The following KANSL1L variants were observed in gnomAD, a reference collection of about 807,000 sequenced individuals.
KANSL1L encodes KAT8 regulatory NSL complex subunit 1-like protein.
KANSL1L carries 25 observed loss-of-function variants against 108.6 expected under a neutral mutation model. That is an observed-to-expected ratio of 0.23 (90% CI 0.17 to 0.32). The LOEUF is 0.32. KANSL1L is among the 10% of genes least tolerant of loss of function. The pLI is 1.00. For synonymous variants in KANSL1L, 405 were observed against 395.1 expected (o/e 1.03, Z -0.30); for missense variants, 1,137 against 1,125.7 (o/e 1.01, Z -0.14).
At chr2:210,094,346 G>A (rs186873549) in intron 5 of KANSL1L, among the ~76,000 whole-genome samples, 361 of 152,144 alleles carry the variant, frequency 2.4e-3, no homozygotes, top group African/African-American at 8.2e-3. Context: ...TTCAGAAAGT[G>A]CTTTGTGGTT....
At chr2:210,024,323 G>T (rs181370733) in intron 13 of KANSL1L, 122 bp from the exon 14 acceptor site, 1 of 634,116 alleles carries the variant, frequency 1.6e-6, no homozygotes. Context: ...TTTGCCCAAA[G>T]ATTTTTAAAA....
In KANSL1L at chr2:210,098,139, G is replaced by A. The variant is rs2094756466; in HGVS notation, c.1497C>T (p.Pro499=). 1.2e-6 allele frequency: 2 copies of A among 1,611,692 alleles called. No homozygotes were observed. The highest frequency in any genetic ancestry group is 1.7e-6 in the Non-Finnish European group (2 of 1,178,726). Residue 499 remains proline (P), a synonymous_variant, in exon 5 of 15, where the codon CCC becomes CCT. Coordinates refer to ENST00000281772, the MANE Select transcript of KANSL1L (RefSeq NM_152519.4). ...APLNLSPTSS[P]LSSKSCSHKC... is the part of the protein sequence containing the mutation. ...TATGGCTACAGGATTTGGAAGAGAG[G>A]GGTGATGAAGTTGGGGACAAGTTGA...
chr2:210,143,669 G>A (rs973394911), intron 2 of KANSL1L, among the ~76,000 whole-genome samples: 2 of 151,924 alleles, frequency 1.3e-5, no homozygotes, highest in Non-Finnish European at 2.9e-5. Context: ...GCTTAAGAAA[G>A]AACAATTCAT....
chr2:210,077,620 T>G (rs1042778472), intron 5 of KANSL1L, among the ~76,000 whole-genome samples: 2 of 152,012 alleles, frequency 1.3e-5, no homozygotes, highest in Non-Finnish European at 1.5e-5. Context: ...CCAAAAGAGG[T>G]TCTTTGTCCA....
At chr2:210,043,415 C>CT (rs1246139822) in intron 7 of KANSL1L, 1 of 158,596 alleles carries the variant, frequency 6.3e-6, no homozygotes, top group Non-Finnish European at 1.3e-5. Flanking sequence ...AAACAAAACA[C>CT]TTTAGAGATG....
chr2:210,058,014 T>C (rs1056579221), intron 6 of KANSL1L, among the ~76,000 whole-genome samples: 1 of 152,188 alleles, frequency 6.6e-6, no homozygotes, highest in Non-Finnish European at 1.5e-5. Flanking sequence ...ATGACAGCAA[T>C]GTTCAGGGAA....
intron 2 of KANSL1L, among the ~76,000 whole-genome samples, chr2:210,144,197 T>C (rs572838801): frequency 1.3e-5 from 2 of 152,298 alleles, no homozygotes; most frequent in East Asian, 1.9e-4. Flanking sequence ...TGCAGATAAC[T>C]TCCTGAGGGT....
At chr2:210,132,189 A>G (rs1575590356) in intron 2 of KANSL1L, among the ~76,000 whole-genome samples, 1 of 152,236 alleles carries the variant, frequency 6.6e-6, no homozygotes, top group East Asian at 1.9e-4. Flanking sequence ...AACAAGATCA[A>G]CATGTTATAC....
intron 2 of KANSL1L, among the ~76,000 whole-genome samples, chr2:210,131,184 C>T (rs998595606): frequency 6.6e-6 from 1 of 152,088 alleles, no homozygotes; most frequent in East Asian, 1.9e-4. Context: ...TTATGTAAGC[C>T]GCAGTACACC....
At chr2:210,076,999 T>C (rs2094547218) in intron 5 of KANSL1L, among the ~76,000 whole-genome samples, 1 of 152,188 alleles carries the variant, frequency 6.6e-6, no homozygotes, top group African/African-American at 2.4e-5. Flanking sequence ...GGTTTTTCTA[T>C]AGCAGTATTG....
At chr2:210,128,922 T>A in intron 3 of KANSL1L, 109 bp downstream of exon 3, 1 of 862,028 alleles carries the variant, frequency 1.2e-6, no homozygotes, top group Non-Finnish European at 1.7e-6. Context: ...TAACATAAAC[T>A]GGCTACATTT....
At chr2:210,139,437 T>C (rs1042907476) in intron 2 of KANSL1L, among the ~76,000 whole-genome samples, 2 of 152,192 alleles carry the variant, frequency 1.3e-5, no homozygotes, top group African/African-American at 2.4e-5. Flanking sequence ...AGTAGGATTA[T>C]TGGGTCATAT....
chr2:210,058,932 A>C (rs2094389156), intron 6 of KANSL1L, among the ~76,000 whole-genome samples: 1 of 151,840 alleles, frequency 6.6e-6, no homozygotes, highest in Non-Finnish European at 1.5e-5. Flanking sequence ...CCCAGCTTTA[A>C]AATTTCTCTC....
In KANSL1L at chr2:210,071,875, T is replaced by C. The variant is rs531847858; in HGVS notation, c.1755+3677A>G. Among the ~76,000 whole-genome samples the C allele has an allele frequency of 7.2e-5, 11 of 152,344 alleles. No individual in the cohort carries two copies. The South Asian group carries it at 2.3e-3, about 32-fold the overall frequency. ...ATTTTAAATATTTCACTCCCCTCTC[T>C]TTTTGGTTGCACATGGCTGGTACCA... On this transcript the variant is annotated intron_variant, in intron 6 of 14. Coordinates refer to ENST00000281772, the MANE Select transcript of KANSL1L (RefSeq NM_152519.4).
chr2:210,129,960 G>A (rs963027770), intron 2 of KANSL1L, among the ~76,000 whole-genome samples: 10 of 144,970 alleles, frequency 6.9e-5, no homozygotes, highest in African/African-American at 2.5e-4. Context: ...TGGTATATGT[G>A]TGTGATATTT....
chr2:210,024,223 C>T (rs768497010), intron 13 of KANSL1L, 22 bp from the exon 14 acceptor site: 39 of 1,518,980 alleles, frequency 2.6e-5, no homozygotes, highest in Non-Finnish European at 3.1e-5. Flanking sequence ...ATCAGGAAAA[C>T]ACAATTATTT....
At chr2:210,099,597 G>A (rs1163889397) in intron 4 of KANSL1L, among the ~76,000 whole-genome samples, 1 of 152,104 alleles carries the variant, frequency 6.6e-6, no homozygotes, top group Non-Finnish European at 1.5e-5. Flanking sequence ...CATTTAGCAA[G>A]TAATCATTAG....
intron 8 of KANSL1L, among the ~76,000 whole-genome samples, chr2:210,039,517 C>T (rs560544434): frequency 2.0e-5 from 3 of 151,578 alleles, no homozygotes; most frequent in Non-Finnish European, 3.0e-5. Context: ...TCATTTGACT[C>T]GAGTTTTTGA....
At chr2:210,065,011 G>T (rs899903739) in intron 6 of KANSL1L, among the ~76,000 whole-genome samples, 2 of 151,734 alleles carry the variant, frequency 1.3e-5, no homozygotes, top group Non-Finnish European at 2.9e-5. Context: ...ATCTTAAAAA[G>T]AAGCTGTTAG....
Sources: allele counts gnomAD v4.1 joint callset (sites outside exome capture counted in the v4.1 genomes callset), GRCh38; gene constraint gnomAD v4.1.1; transcripts MANE v1.5; gene names NCBI Gene and HGNC (gene_info 2026-07-23, HGNC 2026-07-21).